Variants in STAT4 observed in about 807,000 individuals in gnomAD.
STAT4 encodes the protein signal transducer and activator of transcription 4.
Under a neutral mutation model 110.5 loss-of-function variants are expected in STAT4, and 42 were observed. That is an observed-to-expected ratio of 0.38 (90% CI 0.30 to 0.49). The LOEUF is 0.49. STAT4 is among the 20% of genes least tolerant of loss of function. The pLI is 0.95. For missense variants in STAT4, 632 were observed against 887.9 expected (o/e 0.71, Z 3.66); for synonymous variants, 284 against 302.2 (o/e 0.94, Z 0.63).
chr2:191,039,227 C>T lies in STAT4; in HGVS notation c.1406G>A (p.Trp469Ter). ...GGAATCGTTGGTTGACACGTTGTAC[C>T]AAATGATGGATGCCCAAGCATTAGG... ...QLPNAWASIIWYNVSTNDSQN... is the reference protein window; with the variant it reads ...QLPNAWASII Residue 469 changes from tryptophan (W) to a stop codon, truncating the protein, a stop_gained, in exon 16 of 24, where the codon TGG (tryptophan) becomes TAG (stop). Transcript: ENST00000392320. LOFTEE classifies it high-confidence loss of function. This position sits in a 1 kb window ranked among gnomAD's most constrained non-coding sequence, Gnocchi z 4.7. 6.2e-7 allele frequency: 1 copy of T among 1,614,192 alleles called. No homozygotes were observed. The highest frequency in any genetic ancestry group is 8.5e-7 in the Non-Finnish European group (1 of 1,180,028).
intron 3 of STAT4, chr2:191,131,644 G>A (rs1699039521): frequency 4.8e-6 from 3 of 625,510 alleles, no homozygotes; most frequent in African/African-American, 1.9e-5. Context: ...TCAGGGAGGA[G>A]GCACAAGAGG....
At position 191,033,045 on chromosome 2, in the gene STAT4, T is replaced by C. The variant is rs1420870478; in HGVS notation, c.1957A>G (p.Ile653Val). 4 of 1,614,122 alleles carry C rather than the reference T, an allele frequency of 2.5e-6. No homozygotes were observed. Among genetic ancestry groups the C allele is most frequent in the African/African-American group, 1.3e-5 (1 of 74,952 alleles). The part of the protein sequence containing the change: ...RDYKVIMAEN[I>V]PENPLKYLYP... ...AGGTACTTCAGAGGGTTTTCAGGAATGTTTTCAGCCATAATAACTTTGTAG... is the reference window on the plus strand; with the variant it reads ...AGGTACTTCAGAGGGTTTTCAGGAACGTTTTCAGCCATAATAACTTTGTAG... The change falls in exon 21 of 24, where the codon ATT becomes GTT. Residue 653 changes from isoleucine to valine, a missense_variant. Physicochemically the swap from Ile to Val is conservative, Grantham distance 29. Coordinates refer to ENST00000392320, the MANE Select transcript of STAT4 (RefSeq NM_003151.4). The surrounding 1 kb of genome is among the most constrained non-coding windows in gnomAD (Gnocchi z 6.9).
At position 191,031,403 on chromosome 2, in the gene STAT4, G is replaced by T; in HGVS notation, c.2111+47C>A. On this transcript the variant is annotated intron_variant, in intron 22 of 23. Coordinates refer to ENST00000392320, the MANE Select transcript of STAT4 (RefSeq NM_003151.4). This position sits in a 1 kb window ranked among gnomAD's most constrained non-coding sequence, Gnocchi z 4.8. ...CTGCTCTACCTTTAAATCTCCTATA[G>T]GAAAGCTTTTTATAAAAATATTTCA... 1 of 1,577,476 alleles carries T rather than the reference G, an allele frequency of 6.3e-7. No individual in the cohort carries two copies. The highest frequency in any genetic ancestry group is 8.7e-7 in the Non-Finnish European group (1 of 1,154,270).
At chr2:191,118,523 T>G (rs1463327602) in intron 3 of STAT4, among the ~76,000 whole-genome samples, 2 of 152,224 alleles carry the variant, frequency 1.3e-5, no homozygotes, top group African/African-American at 4.8e-5. Context: ...ATATAGTCAT[T>G]ATTCCATTTC....
rs1454217671 is a variant in STAT4, at chr2:191,099,224, A to C, written c.274-22899T>G. ...AAAAGAATGATAATATCTATTGTTA[A>C]TGAAGATATGGGGATGAGGGTCCTA... On this transcript the variant is annotated intron_variant, in intron 3 of 23. Transcript: ENST00000392320. This position sits in a 1 kb window ranked among gnomAD's most constrained non-coding sequence, Gnocchi z 4.1. Among the ~76,000 whole-genome samples the C allele has an allele frequency of 6.6e-6, 1 of 152,138 alleles. No individual in the cohort carries two copies. The highest frequency in any genetic ancestry group is 2.4e-5 in the African/African-American group (1 of 41,452).
At chr2:191,069,572 CT>C in intron 6 of STAT4, 120 bp downstream of exon 6, 1 of 738,486 alleles carries the variant, frequency 1.4e-6, no homozygotes, top group Non-Finnish European at 2.3e-6. Context: ...AAAATACTCC[CT>C]GTATTTCCCT....
chr2:191,031,130 A>C lies in STAT4; in HGVS notation c.2112-50T>G. 1 of 1,574,230 alleles carries C rather than the reference A, an allele frequency of 6.4e-7. No individual in the cohort carries two copies. The highest frequency in any genetic ancestry group is 1.1e-5 in the South Asian group (1 of 89,852). On this transcript the variant is annotated intron_variant, in intron 22 of 23. Coordinates refer to ENST00000392320, the MANE Select transcript of STAT4 (RefSeq NM_003151.4). The surrounding 1 kb of genome is among the most constrained non-coding windows in gnomAD (Gnocchi z 4.8). ...TGGACAAGGATTAAAAAATAATAATAGTTCACGGTGACTTACTATGTCAGG... is the reference window on the plus strand; with the variant it reads ...TGGACAAGGATTAAAAAATAATAATCGTTCACGGTGACTTACTATGTCAGG...
intron 3 of STAT4, among the ~76,000 whole-genome samples, chr2:191,132,105 C>A (rs1384782084): frequency 6.6e-6 from 1 of 151,710 alleles, no homozygotes; most frequent in Admixed American, 6.6e-5. Flanking sequence ...TTCTCTTTGA[C>A]TTTTCACTAT....
rs1239741856 is a variant in STAT4, at chr2:191,042,246, A to T, written c.1252-1098T>A. ...CTTAATTATTAACAGCAAGCTAATGATCATCAGGCATTTGACAAAGACTTT... is the reference window on the plus strand; with the variant it reads ...CTTAATTATTAACAGCAAGCTAATGTTCATCAGGCATTTGACAAAGACTTT... On this transcript the variant is annotated intron_variant, in intron 14 of 23. Transcript: ENST00000392320. This position sits in a 1 kb window ranked among gnomAD's most constrained non-coding sequence, Gnocchi z 4.2. Among the ~76,000 whole-genome samples, 1 of 152,218 alleles carries T rather than the reference A, an allele frequency of 6.6e-6. No individual in the cohort carries two copies. The highest frequency in any genetic ancestry group is 1.9e-4 in the East Asian group (1 of 5,206).
At chr2:191,131,946 G>T in intron 3 of STAT4, 1 of 1,305,954 alleles carries the variant, frequency 7.7e-7, no homozygotes, top group Non-Finnish European at 9.8e-7. Flanking sequence ...TTGTGGAGGT[G>T]TGTGTTATCT....
Position 191,062,641 on chromosome 2 carries a change from C to G in STAT4, c.941+121G>C. On this transcript the variant is annotated intron_variant, in intron 9 of 23. Transcript: ENST00000392320. The surrounding 1 kb of genome is among the most constrained non-coding windows in gnomAD (Gnocchi z 4.9). ...CTAAAACTTTCTGGGGTTCTATTCACTTCTCCCTGAGGCTCGTTGTTGAAT... is the reference window on the plus strand; with the variant it reads ...CTAAAACTTTCTGGGGTTCTATTCAGTTCTCCCTGAGGCTCGTTGTTGAAT... 1 of 1,083,114 alleles carries G rather than the reference C, an allele frequency of 9.2e-7. No homozygotes were observed. 67.1% of individuals were successfully genotyped at this position (1,083,114 alleles called of 1,614,324 possible).
intron 1 of STAT4, among the ~76,000 whole-genome samples, chr2:191,148,526 T>G (rs1699513078): frequency 6.6e-6 from 1 of 152,188 alleles, no homozygotes; most frequent in South Asian, 2.1e-4. Flanking sequence ...AACAAGCTCT[T>G]TCCCTATCTC....
rs1218906359 is a variant in STAT4 at position 191,035,492 on chromosome 2, ACT to A, written c.1570+670_1570+671del. On this transcript the variant is annotated intron_variant, in intron 17 of 23. Coordinates refer to ENST00000392320, the MANE Select transcript of STAT4 (RefSeq NM_003151.4). The surrounding 1 kb of genome is among the most constrained non-coding windows in gnomAD (Gnocchi z 4.7). ...AGAAACGCATATAGATCTAATTTTA[ACT>A]CTTTTTTTGGTGTTAAATATGTTAA... 6.6e-6 allele frequency among the ~76,000 whole-genome samples: 1 copy of A among 152,164 alleles called. No individual in the cohort carries two copies. The highest frequency in any genetic ancestry group is 1.5e-5 in the Non-Finnish European group (1 of 68,036).
intron 13 of STAT4, among the ~76,000 whole-genome samples, chr2:191,057,250 G>A (rs1168830012): frequency 6.6e-6 from 1 of 152,130 alleles, no homozygotes; most frequent in Non-Finnish European, 1.5e-5. Flanking sequence ...TCCCACATGA[G>A]TGAGAACATG....
At chr2:191,094,497 T>A (rs1697902293) in intron 3 of STAT4, among the ~76,000 whole-genome samples, 1 of 152,162 alleles carries the variant, frequency 6.6e-6, no homozygotes, top group Non-Finnish European at 1.5e-5. Context: ...CTAAGCTTCA[T>A]AAGTGAAGGA....
intron 3 of STAT4, among the ~76,000 whole-genome samples, chr2:191,087,416 C>T (rs1460689195): frequency 6.6e-6 from 1 of 152,098 alleles, no homozygotes; most frequent in African/African-American, 2.4e-5. Flanking sequence ...GCAGCTTGGC[C>T]AGCTAACAGA....
At chr2:191,049,567 C>T (rs1696461842) in intron 14 of STAT4, among the ~76,000 whole-genome samples, 1 of 152,150 alleles carries the variant, frequency 6.6e-6, no homozygotes. Flanking sequence ...ATTTCTTGGT[C>T]ATCTCTTAAC....
chr2:191,143,967 A>G lies in STAT4; in HGVS notation c.273+2646T>C, dbSNP rs1306741102. On this transcript the variant is annotated intron_variant, in intron 3 of 23. Transcript: ENST00000392320. This position sits in a 1 kb window ranked among gnomAD's most constrained non-coding sequence, Gnocchi z 5.6. ...ACCATAGCTGACAATGATTTTTACT[A>G]CTAGCTTCTGTGTTGTTAATACAAA... Among the ~76,000 whole-genome samples the G allele has an allele frequency of 6.6e-6, 1 of 152,246 alleles. No homozygotes were observed. The highest frequency in any genetic ancestry group is 2.4e-5 in the African/African-American group (1 of 41,460).
At chr2:191,096,144 A>T (rs1433516443) in intron 3 of STAT4, among the ~76,000 whole-genome samples, 1 of 152,212 alleles carries the variant, frequency 6.6e-6, no homozygotes, top group Non-Finnish European at 1.5e-5. Context: ...ACCAACCAAA[A>T]AAAGCCCAGG....
Sources: allele counts gnomAD v4.1 joint callset (sites outside exome capture counted in the v4.1 genomes callset), GRCh38; gene constraint gnomAD v4.1.1; non-coding constraint Gnocchi (gnomAD v3.1); transcripts MANE v1.5; gene names NCBI Gene and HGNC (gene_info 2026-07-23, HGNC 2026-07-21).